The following LAMA2 variants were observed in gnomAD, a reference collection of about 807,000 sequenced individuals.
LAMA2 encodes the protein laminin subunit alpha 2, also known as laminin subunit alpha-2.
LAMA2 carries 269 observed loss-of-function variants against 364.8 expected under a neutral mutation model. The ratio of observed to expected loss-of-function variants is 0.74; its 90% CI spans 0.67 to 0.82. The LOEUF is 0.82. Ranked by LOEUF, LAMA2 falls within the 40% of genes least tolerant of loss-of-function variation. The probability of loss-of-function intolerance (pLI) is 0.00; values close to 1 mark genes in which losing one functional copy is unlikely to be tolerated. For missense variants in LAMA2, 3,807 were observed against 3,873.2 expected, an observed-to-expected ratio of 0.98 and a Z score of 0.45; for synonymous variants, 1,379 against 1,370.6, an observed-to-expected ratio of 1.01 and a Z score of -0.14.
At chr6:129,486,173 T>C (rs572963788) in intron 55 of LAMA2, among the ~76,000 whole-genome samples, 31 of 152,318 alleles carry the variant, frequency 2.0e-4, no homozygotes, top group Admixed American at 1.7e-3. Context: ...CTTTGTCTCC[T>C]GATGGGTTTT....
chr6:129,207,524 C>G (rs1317128661), intron 12 of LAMA2, among the ~76,000 whole-genome samples: 1 of 151,742 alleles, frequency 6.6e-6, no homozygotes, highest in East Asian at 1.9e-4. Context: ...ATTCTTTTTT[C>G]TTTGTAGAGA....
chr6:129,044,569 A>G (rs982119645), intron 1 of LAMA2, among the ~76,000 whole-genome samples: 1 of 151,264 alleles, frequency 6.6e-6, no homozygotes, highest in Non-Finnish European at 1.5e-5. Flanking sequence ...ATATATATAT[A>G]TACACTATAG....
chr6:129,275,722 T>C (rs1788266830), intron 17 of LAMA2, among the ~76,000 whole-genome samples: 1 of 24,142 alleles, frequency 4.1e-5, no homozygotes, highest in African/African-American at 1.0e-4. Context: ...TTTAAAAATT[T>C]GTAAAAAAAA....
intron 27 of LAMA2, among the ~76,000 whole-genome samples, chr6:129,318,414 GA>G (rs982611127): frequency 5.4e-5 from 8 of 148,496 alleles, no homozygotes; most frequent in Admixed American, 1.3e-4. Flanking sequence ...CTAATCCCCT[GA>G]AAAAAAAAAT....
In LAMA2 at chr6:129,492,002, C is replaced by T. The variant is rs1784888052; in HGVS notation, c.8000C>T (p.Pro2667Leu). 6.2e-7 allele frequency: 1 copy of T among 1,614,090 alleles called. No individual in the cohort carries two copies. Among genetic ancestry groups the T allele is most frequent in the South Asian group, 1.1e-5 (1 of 91,092 alleles). ...AAGCTTTTCGTTGGGGGTGCTCCAC[C>T]TGAATTTCAACCTTCCCCACTCAGA... ...VKKLFVGGAPPEFQPSPLRNI... is the reference protein window; with the variant it reads ...VKKLFVGGAPLEFQPSPLRNI... Residue 2667 changes from proline to leucine, a missense_variant, in exon 57 of 65, where the codon CCT becomes CTT. Coordinates refer to ENST00000421865, the MANE Select transcript of LAMA2 (RefSeq NM_000426.4).
intron 9 of LAMA2, among the ~76,000 whole-genome samples, chr6:129,175,640 A>G (rs1384917767): frequency 6.6e-6 from 1 of 152,194 alleles, no homozygotes; most frequent in East Asian, 1.9e-4. Context: ...GAGTTGAACA[A>G]TGAGAACACA....
In LAMA2 at chr6:129,118,224, A is replaced by G. The variant is rs373348991; in HGVS notation, c.639+19809A>G. Reference sequence around the variant, plus strand: ...AGCATTGTGCTGGAGAAGAATGCTCATCTTACAGAGGTGATTGTGTCTAAT... The same window carrying G: ...AGCATTGTGCTGGAGAAGAATGCTCGTCTTACAGAGGTGATTGTGTCTAAT... On this transcript the variant is annotated intron_variant, in intron 4 of 64. Transcript: ENST00000421865. 8.5e-4 allele frequency among the ~76,000 whole-genome samples: 129 copies of G among 152,356 alleles called. 1 individual carries two copies. The highest frequency in any genetic ancestry group is 1.6e-3 in the Non-Finnish European group (109 of 68,026).
chr6:128,931,182 TCAAA>T (rs1212902631), intron 1 of LAMA2, among the ~76,000 whole-genome samples: 2 of 152,214 alleles, frequency 1.3e-5, no homozygotes, highest in African/African-American at 2.4e-5. Flanking sequence ...CATAAATTCT[TCAAA>T]CAAAAGAAAT....
At chr6:129,150,418 G>A (rs1374821195) in intron 7 of LAMA2, among the ~76,000 whole-genome samples, 1 of 152,116 alleles carries the variant, frequency 6.6e-6, no homozygotes, top group Non-Finnish European at 1.5e-5. Context: ...TCATAAGTGG[G>A]AGCAGCACTT....
Position 129,252,132 on chromosome 6 carries a change from C to T in LAMA2, c.1933C>T (p.Pro645Ser), listed in dbSNP as rs867636092. Reference sequence around the variant, plus strand: ...AGCCCAAGATGAGGTGTACCTGCACCCATCTGAAGAACATACTAATGTATT... The same window carrying T: ...AGCCCAAGATGAGGTGTACCTGCACTCATCTGAAGAACATACTAATGTATT... ...STAQDEVYLHPSEEHTNVLLL... is the reference protein window; with the variant it reads ...STAQDEVYLHSSEEHTNVLLL... The change falls in exon 14 of 65, where the codon CCA becomes TCA. Residue 645 changes from proline (P) to serine (S), a missense_variant. This residue lies in a region of LAMA2 where 3,333 missense variants were observed against 3,345.7 expected (regional missense o/e 1.00). Coordinates refer to ENST00000421865, the MANE Select transcript of LAMA2 (RefSeq NM_000426.4). The T allele has an allele frequency of 1.2e-6, 2 of 1,613,292 alleles. No individual in the cohort carries two copies. The highest frequency in any genetic ancestry group is 1.7e-6 in the Non-Finnish European group (2 of 1,179,604).
At chr6:128,905,068 T>C (rs1378262810) in intron 1 of LAMA2, among the ~76,000 whole-genome samples, 13 of 152,244 alleles carry the variant, frequency 8.5e-5, no homozygotes, top group Admixed American at 8.5e-4. Flanking sequence ...TATATGATGG[T>C]ATAAAGTTCT....
At chr6:129,511,240 C>T (rs1307051372) in intron 62 of LAMA2, among the ~76,000 whole-genome samples, 2 of 152,112 alleles carry the variant, frequency 1.3e-5, no homozygotes, top group Non-Finnish European at 2.9e-5. Context: ...TAAAAGTTTT[C>T]CAGCGACCCA....
chr6:129,049,781 A>G (rs1282017529), intron 1 of LAMA2, 137 bp from the exon 2 acceptor site: 29 of 737,316 alleles, frequency 3.9e-5, no homozygotes, highest in Non-Finnish European at 4.6e-5. Context: ...CTGAATTGTC[A>G]GGTATTTATC....
In LAMA2 at chr6:128,924,545, GAA is replaced by G. The variant is rs56209254; in HGVS notation, c.112+41197_112+41198del. Reference sequence around the variant, plus strand: ...AATAATTCAAGAAAATATATCCCAGGAAAAAAAAAATCCCCTGTATAATAAAC... The same window carrying G: ...AATAATTCAAGAAAATATATCCCAGGAAAAAAAATCCCCTGTATAATAAAC... On this transcript the variant is annotated intron_variant, in intron 1 of 64. Coordinates refer to ENST00000421865, the MANE Select transcript of LAMA2 (RefSeq NM_000426.4). Among the ~76,000 whole-genome samples, 14 of 151,284 alleles carry G rather than the reference GAA, an allele frequency of 9.3e-5. No individual in the cohort carries two copies. In the East Asian group the frequency reaches 1.7e-3, roughly 19 times the overall value.
chr6:128,941,627 A>G (rs989170774), intron 1 of LAMA2, among the ~76,000 whole-genome samples: 8 of 152,266 alleles, frequency 5.3e-5, no homozygotes, highest in Admixed American at 6.5e-5. Flanking sequence ...TTCAGAAACA[A>G]AAAAAATAAA....
chr6:129,076,835 G>A (rs1773696160), intron 3 of LAMA2, among the ~76,000 whole-genome samples: 1 of 151,912 alleles, frequency 6.6e-6, no homozygotes, highest in African/African-American at 2.4e-5. Flanking sequence ...CAAATTTTCT[G>A]TAGGAAGGTC....
At chr6:129,352,275 T>A (rs1399428825) in intron 31 of LAMA2, among the ~76,000 whole-genome samples, 2 of 152,232 alleles carry the variant, frequency 1.3e-5, no homozygotes, top group African/African-American at 4.8e-5. Context: ...TCCAGTGTCA[T>A]AACACGGAGT....
intron 55 of LAMA2, 141 bp downstream of exon 55, chr6:129,481,580 C>A: frequency 1.3e-6 from 1 of 742,848 alleles, no homozygotes; most frequent in Non-Finnish European, 2.4e-6. Flanking sequence ...TATTTCCATG[C>A]TGGCCTCCTA....
At chr6:129,159,021 C>T in intron 8 of LAMA2, 1 of 1,582,830 alleles carries the variant, frequency 6.3e-7, no homozygotes, top group Non-Finnish European at 8.7e-7. Flanking sequence ...GATTTCATCC[C>T]AGTGCCGTGG....
Sources: allele counts gnomAD v4.1 joint callset (sites outside exome capture counted in the v4.1 genomes callset), GRCh38; gene constraint gnomAD v4.1.1; regional missense constraint gnomAD v4.1.1; transcripts MANE v1.5; gene names NCBI Gene and HGNC (gene_info 2026-07-23, HGNC 2026-07-21).